The following CDK8 variants were observed in gnomAD, a reference collection of about 807,000 sequenced individuals.
The protein encoded by CDK8 is cyclin-dependent kinase 8.
Under a neutral mutation model 71.5 loss-of-function variants are expected in CDK8, and 29 were observed. That is an observed-to-expected ratio of 0.41 (90% CI 0.30 to 0.55). The LOEUF (loss-of-function observed/expected upper bound fraction) is 0.55. Among genes scored for constraint, CDK8 ranks in the 20% least tolerant of loss-of-function variants. The pLI is 0.37. For missense variants in CDK8, 288 were observed against 572.6 expected, an observed-to-expected ratio of 0.50 and a Z score of 5.07; for synonymous variants, 161 against 192.1, an observed-to-expected ratio of 0.84 and a Z score of 1.34.
intron 1 of CDK8, among the ~76,000 whole-genome samples, chr13:26,291,511 G>T (rs922265225): frequency 1.3e-5 from 2 of 152,064 alleles, no homozygotes; most frequent in African/African-American, 4.8e-5. Flanking sequence ...ATCAATATAT[G>T]TTCAGATTTT....
At chr13:26,311,671 G>A (rs1874289039) in intron 1 of CDK8, among the ~76,000 whole-genome samples, 1 of 152,182 alleles carries the variant, frequency 6.6e-6, no homozygotes, top group South Asian at 2.1e-4. Context: ...TCCTGAGGAA[G>A]TAAGCCTCCC....
intron 1 of CDK8, among the ~76,000 whole-genome samples, chr13:26,328,024 A>G (rs1057031145): frequency 1.3e-5 from 2 of 151,996 alleles, no homozygotes; most frequent in Non-Finnish European, 2.9e-5. Flanking sequence ...GGTCACTAAA[A>G]ATACCAAAGA....
intron 4 of CDK8, among the ~76,000 whole-genome samples, chr13:26,370,821 G>T (rs974525865): frequency 1.3e-5 from 2 of 152,122 alleles, no homozygotes; most frequent in Non-Finnish European, 2.9e-5. Flanking sequence ...GAGAAATCTG[G>T]AACTGTGTCC....
At chr13:26,335,463 C>T (rs537741322) in intron 1 of CDK8, among the ~76,000 whole-genome samples, 3 of 152,114 alleles carry the variant, frequency 2.0e-5, no homozygotes, top group East Asian at 3.9e-4. Flanking sequence ...ATGCTGATTC[C>T]GGTAAATCTG....
intron 1 of CDK8, among the ~76,000 whole-genome samples, chr13:26,318,412 G>T (rs1022879674): frequency 2.0e-5 from 3 of 152,100 alleles, no homozygotes; most frequent in Admixed American, 6.5e-5. Flanking sequence ...TTGAAGTGGA[G>T]GAAACACTTC....
chr13:26,324,687 A>T, intron 1 of CDK8: 1 of 204,122 alleles, frequency 4.9e-6, no homozygotes, highest in African/African-American at 2.4e-5. Flanking sequence ...CATGAGTGTT[A>T]AGGAGAAAAG....
At position 26,339,440 on chromosome 13, in the gene CDK8, C is replaced by G. The variant is rs543722155; in HGVS notation, c.204+1798C>G. Among the ~76,000 whole-genome samples the G allele has an allele frequency of 3.0e-4, 46 of 152,052 alleles. 1 individual carries two copies. Among genetic ancestry groups the G allele is most frequent in the African/African-American group, 1.1e-3 (45 of 41,540 alleles). On this transcript the variant is annotated intron_variant, in intron 2 of 12. Coordinates refer to ENST00000381527, the MANE Select transcript of CDK8 (RefSeq NM_001260.3). The stretch of plus-strand genomic sequence containing the variant: ...GGACTGTATTTCATTCCATTGTTCT[C>G]TCTGTCTAGCCTTATACCAATAGAT...
At chr13:26,310,775 C>T (rs1399466432) in intron 1 of CDK8, among the ~76,000 whole-genome samples, 1 of 152,170 alleles carries the variant, frequency 6.6e-6, no homozygotes, top group Admixed American at 6.6e-5. Context: ...TTGTGGACCT[C>T]TGCTCTACAT....
At chr13:26,397,285 T>C in intron 9 of CDK8, 60 bp downstream of exon 9, 1 of 1,058,466 alleles carries the variant, frequency 9.4e-7, no homozygotes, top group Non-Finnish European at 1.4e-6. Context: ...CTAGCCCAAC[T>C]GAGGCTTTTT....
chr13:26,286,825 C>T (rs888607443), intron 1 of CDK8, among the ~76,000 whole-genome samples: 1 of 152,006 alleles, frequency 6.6e-6, no homozygotes, highest in African/African-American at 2.4e-5. Flanking sequence ...ACAATCCCAT[C>T]AAAAAGTGGG....
chr13:26,395,497 A>T (rs568315667), intron 7 of CDK8, among the ~76,000 whole-genome samples: 1 of 152,130 alleles, frequency 6.6e-6, no homozygotes, highest in South Asian at 2.1e-4. Context: ...CAAAAAAAAA[A>T]AAAAAAGAGC....
Position 26,297,353 on chromosome 13 carries a change from GA to G in CDK8, c.129-40212del, listed in dbSNP as rs552080237. Among the ~76,000 whole-genome samples the G allele has an allele frequency of 2.1e-3, 324 of 152,264 alleles. 1 individual carries two copies. The highest frequency in any genetic ancestry group is 3.9e-3 in the Non-Finnish European group (266 of 68,016). On this transcript the variant is annotated intron_variant, in intron 1 of 12. Transcript: ENST00000381527. ...GTAACCTTAATAGCAAAAGAGGAAAGAAGATAGCTAGGAAGATAAAGAACAG... is the reference window on the plus strand; with the variant it reads ...GTAACCTTAATAGCAAAAGAGGAAAGAGATAGCTAGGAAGATAAAGAACAG...
chr13:26,278,556 G>T (rs553705128), intron 1 of CDK8, among the ~76,000 whole-genome samples: 1 of 152,280 alleles, frequency 6.6e-6, no homozygotes, highest in Admixed American at 6.5e-5. Context: ...GATAAAACTT[G>T]CAAGAACAGG....
At position 26,269,049 on chromosome 13, in the gene CDK8, T is replaced by C. The variant is rs114483561; in HGVS notation, c.128+14280T>C. ...TGCCTTTCTCAGTTGCGTTCACTTA[T>C]GGACTTGCCTCCATAGAATGAGAGG... On this transcript the variant is annotated intron_variant, in intron 1 of 12. Transcript: ENST00000381527. Among the ~76,000 whole-genome samples the C allele has an allele frequency of 8.0e-3, 1,214 of 152,354 alleles. 26 individuals carry two copies. The highest frequency in any genetic ancestry group is 0.026 in the African/African-American group (1,092 of 41,568).
Position 26,349,084 on chromosome 13 carries a change from C to T in CDK8, c.217C>T (p.Leu73Phe). ...CTTTGTTTTGCAGTTACTTCGAGAGCTTAAGCATCCAAACGTCATTTCTCT... is the reference window on the plus strand; with the variant it reads ...CTTTGTTTTGCAGTTACTTCGAGAGTTTAAGCATCCAAACGTCATTTCTCT... ...ACREIALLRE[L>F]KHPNVISLQK... Residue 73 changes from leucine (L) to phenylalanine (F), a missense_variant, in exon 3 of 13, where the codon CTT (leucine) becomes TTT (phenylalanine). Transcript: ENST00000381527. 2 of 1,606,480 alleles carry T rather than the reference C, an allele frequency of 1.2e-6. No homozygotes were observed. The highest frequency in any genetic ancestry group is 1.7e-6 in the Non-Finnish European group (2 of 1,173,358).
Position 26,404,742 on chromosome 13 carries a change from C to T in CDK8, c.*661C>T, listed in dbSNP as rs1406025321. The T allele has an allele frequency of 4.5e-6, 1 of 224,228 alleles. No homozygotes were observed. The highest frequency in any genetic ancestry group is 8.9e-6 in the Non-Finnish European group (1 of 112,718). The allele number at this position is 224,228 out of a possible 1,614,324, so 13.9% of individuals were successfully genotyped here. A position where few individuals can be genotyped will look rare whatever the true frequency, so the allele number is the denominator to read the frequency against. On this transcript the variant is annotated 3_prime_UTR_variant, in exon 13 of 13. Transcript: ENST00000381527. ...TTATAAGTTTGTTTTTATTTTCAATCTATGACTTGACTGGTATTAAAGCTG... is the reference window on the plus strand; with the variant it reads ...TTATAAGTTTGTTTTTATTTTCAATTTATGACTTGACTGGTATTAAAGCTG...
Position 26,284,942 on chromosome 13 carries a change from CAA to C in CDK8, c.128+30186_128+30187del, listed in dbSNP as rs59801630. 2.5e-3 allele frequency among the ~76,000 whole-genome samples: 368 copies of C among 145,096 alleles called. 1 individual carries two copies. Among genetic ancestry groups the C allele is most frequent in the East Asian group, 6.2e-3 (31 of 4,964 alleles). On this transcript the variant is annotated intron_variant, in intron 1 of 12. Transcript: ENST00000381527. ...TGATGAACATAAATGCAAAAATCCT[CAA>C]AAAAAAAAAAAAGTCTGGGTACAGT...
chr13:26,271,806 C>CTTTTTTTTTTTTTTTT (rs58160694), intron 1 of CDK8, among the ~76,000 whole-genome samples: 1 of 62,684 alleles, frequency 1.6e-5, no homozygotes. Flanking sequence ...GAGACCCTGT[C>CTTTTTTTTTTTTTTTT]TTTTTTTTTT....
At chr13:26,372,297 A>G (rs577725966) in intron 4 of CDK8, among the ~76,000 whole-genome samples, 1 of 152,356 alleles carries the variant, frequency 6.6e-6, no homozygotes, top group East Asian at 1.9e-4. Flanking sequence ...GAAACACCTC[A>G]ATATTAAAAT....
Sources: gnomAD v4.1 joint callset for allele counts (sites outside exome capture counted in the v4.1 genomes callset) on GRCh38, gnomAD v4.1.1 for gene constraint, MANE v1.5 for transcripts, NCBI Gene and HGNC (gene_info 2026-07-23, HGNC 2026-07-21) for gene names.